ERFL: variants seen among roughly 807,000 people sequenced by gnomAD.
ERFL encodes ETS domain-containing transcription factor ERF-like.
In ERFL, 8 loss-of-function variants were observed where a neutral mutation model predicts 27.9. The observed-to-expected ratio is 0.29, with a 90% CI of 0.17 to 0.52. The LOEUF is 0.52. Ranked by LOEUF, ERFL falls within the 20% of genes least tolerant of loss-of-function variation. The pLI is 0.97. For synonymous variants in ERFL, 174 were observed against 202.8 expected (o/e 0.86, Z 1.21); for missense variants, 294 against 444.4 (o/e 0.66, Z 3.04).
rs999059889 is a variant in ERFL at position 41,908,201 on chromosome 19, C to T, written c.*27G>A. ...CGGGCAGCCACCCTGGTCCCTGCCT[C>T]AGCAGAATCCATTGCCCCCTGCCGG... On this transcript the variant is annotated 3_prime_UTR_variant, in exon 6 of 6. Transcript: ENST00000597630. This position sits in a 1 kb window ranked among gnomAD's most constrained non-coding sequence, Gnocchi z 6.7. The T allele has an allele frequency of 3.0e-5, 37 of 1,231,334 alleles. No homozygotes were observed. The highest frequency in any genetic ancestry group is 3.5e-5 in the Non-Finnish European group (35 of 987,754). The allele number at this position is 1,231,334 out of a possible 1,614,324, so 76.3% of individuals were successfully genotyped here.
intron 2 of ERFL, among the ~76,000 whole-genome samples, chr19:41,911,188 G>A (rs1021041067): frequency 2.6e-5 from 4 of 152,230 alleles, no homozygotes; most frequent in Non-Finnish European, 5.9e-5. Context: ...GCAGAGGGGA[G>A]TACTCCACTG....
At position 41,908,996 on chromosome 19, in the gene ERFL, C is replaced by T; in HGVS notation, c.616+64G>A. ...CTCTTCTCTTGTCTTTTCTCATCCT[C>T]TTCCCTCAAGCCTGCAGCTTCTCCC... On this transcript the variant is annotated intron_variant, in intron 5 of 5. Coordinates refer to ENST00000597630, the MANE Select transcript of ERFL (RefSeq NM_001365103.2). The surrounding 1 kb of genome is among the most constrained non-coding windows in gnomAD (Gnocchi z 6.7). The T allele has an allele frequency of 9.8e-7, 1 of 1,020,686 alleles. No individual in the cohort carries two copies. Among genetic ancestry groups the T allele is most frequent in the Non-Finnish European group, 1.3e-6 (1 of 796,466 alleles). The allele number at this position is 1,020,686 out of a possible 1,614,324, so 63.2% of individuals were successfully genotyped here.
Position 41,909,729 on chromosome 19 carries a change from G to A in ERFL, c.302+134C>T, listed in dbSNP as rs1466513164. ...CGCCTCCCTTCCACTCACAAGTAGC[G>A]ATGGTGGCTACTCACGCACAGCCCT... On this transcript the variant is annotated intron_variant, in intron 3 of 5. Transcript: ENST00000597630. The surrounding 1 kb of genome is among the most constrained non-coding windows in gnomAD (Gnocchi z 5.2). The A allele has an allele frequency of 1.3e-5, 13 of 1,036,596 alleles. No individual in the cohort carries two copies. Among genetic ancestry groups the A allele is most frequent in the Admixed American group, 8.5e-5 (3 of 35,132 alleles). 64.2% of individuals were successfully genotyped at this position (1,036,596 alleles called of 1,614,324 possible).
At chr19:41,914,407 C>T (rs992476608) in intron 1 of ERFL, among the ~76,000 whole-genome samples, 2 of 151,752 alleles carry the variant, frequency 1.3e-5, no homozygotes, top group Non-Finnish European at 1.5e-5. Context: ...CCTCTCGTCT[C>T]CATCTCCTCC....
chr19:41,913,747 C>T (rs1555851496), intron 1 of ERFL, among the ~76,000 whole-genome samples: 2 of 150,436 alleles, frequency 1.3e-5, no homozygotes, highest in Non-Finnish European at 3.0e-5. Context: ...GATACTCCAT[C>T]CCCTCCTCAC....
At chr19:41,922,711 C>T (rs116218208) in intron 1 of ERFL, among the ~76,000 whole-genome samples, 2,064 of 151,850 alleles carry the variant, frequency 0.014, 31 homozygotes, top group African/African-American at 0.043. Context: ...AGGGATCCCA[C>T]AAGGGCCGGG....
Position 41,908,248 on chromosome 19 carries a change from T to G in ERFL, c.1045A>C (p.Lys349Gln). The change falls in exon 6 of 6, where the codon AAA becomes CAA. Residue 349 changes from lysine to glutamine, a missense_variant. Lys to Gln is a moderately conservative substitution (Grantham distance 53). This residue lies in a region of ERFL where 246 missense variants were observed against 371.4 expected (regional missense o/e 0.66). Coordinates refer to ENST00000597630, the MANE Select transcript of ERFL (RefSeq NM_001365103.2). The surrounding 1 kb of genome is among the most constrained non-coding windows in gnomAD (Gnocchi z 6.7). ...CCGGCTCAGCTGCCGGTCCCCCCTT[T>G]GCCCGCCTTTGCCTTGGGGGGTGCC... ...LPAPPKAKAG[K>Q]GGTGS is the part of the protein sequence containing the mutation. The G allele has an allele frequency of 1.6e-6, 2 of 1,231,658 alleles. No individual in the cohort carries two copies. Among genetic ancestry groups the G allele is most frequent in the Non-Finnish European group, 2.0e-6 (2 of 987,962 alleles). The allele number at this position is 1,231,658 out of a possible 1,614,324, so 76.3% of individuals were successfully genotyped here.
chr19:41,908,676 C>G lies in ERFL; in HGVS notation c.617G>C (p.Gly206Ala). 1 of 1,230,996 alleles carries G rather than the reference C, an allele frequency of 8.1e-7. No homozygotes were observed. 76.3% of individuals were successfully genotyped at this position (1,230,996 alleles called of 1,614,324 possible). Reference sequence around the variant, plus strand: ...AGGGGGCTTGGAATAGCTGGTGGCACCTGGGGGGCACAGGGGTAGGTCAGG... The same window carrying G: ...AGGGGGCTTGGAATAGCTGGTGGCAGCTGGGGGGCACAGGGGTAGGTCAGG... ...LDSPFPFLGS[G>A]ATSYSKPPGL... The change falls in exon 6 of 6, where the codon GGT (glycine) becomes GCT (alanine). Residue 206 changes from glycine (G) to alanine (A), a missense_variant and splice_region_variant. Physicochemically the swap from Gly to Ala is moderately conservative, Grantham distance 60. Around this residue, in one of 3 missense-constraint regions of ERFL, gnomAD observed 246 missense variants for 371.4 expected, o/e 0.66. Transcript: ENST00000597630. The surrounding 1 kb of genome is among the most constrained non-coding windows in gnomAD (Gnocchi z 6.7).
At chr19:41,920,996 C>G (rs1296901824) in intron 1 of ERFL, among the ~76,000 whole-genome samples, 1 of 152,224 alleles carries the variant, frequency 6.6e-6, no homozygotes, top group African/African-American at 2.4e-5. Flanking sequence ...TCTCAGTCTC[C>G]GCACGATGTC....
intron 1 of ERFL, among the ~76,000 whole-genome samples, chr19:41,927,506 A>G (rs2074878522): frequency 1.3e-5 from 2 of 151,874 alleles, no homozygotes; most frequent in African/African-American, 4.8e-5. Context: ...CCAGATATCC[A>G]CACCCCCAGT....
rs1438664862 is a variant in ERFL, at chr19:41,909,302, G to T, written c.472C>A (p.Pro158Thr). The T allele has an allele frequency of 8.1e-7, 1 of 1,234,598 alleles. No homozygotes were observed. Among genetic ancestry groups the T allele is most frequent in the Non-Finnish European group, 1.0e-6 (1 of 989,362 alleles). 76.5% of individuals were successfully genotyped at this position (1,234,598 alleles called of 1,614,324 possible). The change falls in exon 4 of 6, where the codon CCA becomes ACA. Residue 158 changes from proline to threonine, a missense_variant. Pro to Thr is a conservative substitution (Grantham distance 38). Transcript: ENST00000597630. The surrounding 1 kb of genome is among the most constrained non-coding windows in gnomAD (Gnocchi z 5.2). Reference sequence around the variant, plus strand: ...TCAGGGGTGAGGGGAGGAGCATCTGGCCCTGGGGCCCCCCCAAAGGGACTG... The same window carrying T: ...TCAGGGGTGAGGGGAGGAGCATCTGTCCCTGGGGCCCCCCCAAAGGGACTG... ...TPSPFGGAPG[P>T]DAPPLTPETL...
In ERFL at chr19:41,908,170, G is replaced by T; in HGVS notation, c.*58C>A. 1 of 1,213,372 alleles carries T rather than the reference G, an allele frequency of 8.2e-7. No individual in the cohort carries two copies. The highest frequency in any genetic ancestry group is 1.0e-6 in the Non-Finnish European group (1 of 971,220). 75.2% of individuals were successfully genotyped at this position (1,213,372 alleles called of 1,614,324 possible). On this transcript the variant is annotated 3_prime_UTR_variant, in exon 6 of 6. Coordinates refer to ENST00000597630, the MANE Select transcript of ERFL (RefSeq NM_001365103.2). The surrounding 1 kb of genome is among the most constrained non-coding windows in gnomAD (Gnocchi z 6.7). ...CCTGGGCCTTGGGCCAGGCATCAAG[G>T]GCAGACGGGCAGCCACCCTGGTCCC...
rs1437089847 is a variant in ERFL, at chr19:41,910,442, AGC to A, written c.68-347_68-346del. On this transcript the variant is annotated intron_variant, in intron 2 of 5. Coordinates refer to ENST00000597630, the MANE Select transcript of ERFL (RefSeq NM_001365103.2). The surrounding 1 kb of genome is among the most constrained non-coding windows in gnomAD (Gnocchi z 4.4). Reference sequence around the variant, plus strand: ...ATGGGGAGGGGCACCCGCCTCCAACAGCGTTAGTCCTCTCACTGCCCCCAGCC... The same window carrying A: ...ATGGGGAGGGGCACCCGCCTCCAACAGTTAGTCCTCTCACTGCCCCCAGCC... 6.6e-6 allele frequency among the ~76,000 whole-genome samples: 1 copy of A among 152,052 alleles called. No homozygotes were observed. Among genetic ancestry groups the A allele is most frequent in the Non-Finnish European group, 1.5e-5 (1 of 67,996 alleles).
chr19:41,924,576 G>GT (rs147933187), intron 1 of ERFL, among the ~76,000 whole-genome samples: 4,026 of 152,218 alleles, frequency 0.026, 178 homozygotes, highest in African/African-American at 0.091. Context: ...TAGGTGTTAT[G>GT]TGGTGGAACA....
Position 41,921,531 on chromosome 19 carries a change from G to A in ERFL, c.-14+6509C>T, listed in dbSNP as rs187724641. Among the ~76,000 whole-genome samples the A allele has an allele frequency of 2.7e-5, 4 of 148,124 alleles. No individual in the cohort carries two copies. The highest frequency in any genetic ancestry group is 1.9e-4 in the East Asian group (1 of 5,182). On this transcript the variant is annotated intron_variant, in intron 1 of 5. Coordinates refer to ENST00000597630, the MANE Select transcript of ERFL (RefSeq NM_001365103.2). This position sits in a 1 kb window ranked among gnomAD's most constrained non-coding sequence, Gnocchi z 4.4. ...CAGAGAGACAGGCAGGGGGAGATCC[G>A]AGGTGGGGAAACACGGCAGAAGGAG...
Position 41,908,633 on chromosome 19 carries a change from AT to A in ERFL, c.659del (p.Tyr220LeufsTer145). The stretch of plus-strand genomic sequence containing the variant: ...AGGGGTACTCAGGGAAGGCGCGGCC[AT>A]AAGGACCCAGCAGGCCAGGGGGCTT... Reference protein sequence around the residue: ...YSKPPGLLGPYGRAFPEYPWN... With the variant: ...YSKPPGLLGPXGRAFPEYPWN... On this transcript the variant is annotated frameshift_variant, in exon 6 of 6. Coordinates refer to ENST00000597630, the MANE Select transcript of ERFL (RefSeq NM_001365103.2). LOFTEE classifies it high-confidence loss of function. This position sits in a 1 kb window ranked among gnomAD's most constrained non-coding sequence, Gnocchi z 6.7. 1 of 1,231,658 alleles carries A rather than the reference AT, an allele frequency of 8.1e-7. No individual in the cohort carries two copies. The highest frequency in any genetic ancestry group is 1.0e-6 in the Non-Finnish European group (1 of 988,026). The allele number at this position is 1,231,658 out of a possible 1,614,324, so 76.3% of individuals were successfully genotyped here.
At position 41,907,960 on chromosome 19, in the gene ERFL, T is replaced by G; in HGVS notation, c.*268A>C. ...GGCGGGCGGGGCAGGCTGGGCGCCATATTGCACTTTGGGAGTGGGGCCAGG... is the reference window on the plus strand; with the variant it reads ...GGCGGGCGGGGCAGGCTGGGCGCCAGATTGCACTTTGGGAGTGGGGCCAGG... On this transcript the variant is annotated 3_prime_UTR_variant, in exon 6 of 6. Transcript: ENST00000597630. 3.0e-5 allele frequency: 11 copies of G among 368,814 alleles called. No individual in the cohort carries two copies. Among genetic ancestry groups the G allele is most frequent in the East Asian group, 1.6e-4 (4 of 25,344 alleles). The allele number at this position is 368,814 out of a possible 1,614,324, so 22.8% of individuals were successfully genotyped here.
intron 1 of ERFL, among the ~76,000 whole-genome samples, chr19:41,923,561 CA>C (rs2074853569): frequency 7.0e-6 from 1 of 142,164 alleles, no homozygotes; most frequent in Non-Finnish European, 1.5e-5. Flanking sequence ...TGGACAGGGA[CA>C]AGGAGACAGG....
In ERFL at chr19:41,921,049, G is replaced by A. The variant is rs868973705; in HGVS notation, c.-14+6991C>T. ...CAGCGCTCCGAATGGTGTCAGTTGA[G>A]GGGTGGCGAGGGAGCGTCCCCGGGG... is the stretch of plus-strand genomic sequence containing the variant. On this transcript the variant is annotated intron_variant, in intron 1 of 5. Coordinates refer to ENST00000597630, the MANE Select transcript of ERFL (RefSeq NM_001365103.2). The surrounding 1 kb of genome is among the most constrained non-coding windows in gnomAD (Gnocchi z 4.4). 7.2e-5 allele frequency among the ~76,000 whole-genome samples: 11 copies of A among 152,246 alleles called. No individual in the cohort carries two copies. The highest frequency in any genetic ancestry group is 2.7e-4 in the African/African-American group (11 of 41,464).
Sources: gnomAD v4.1 joint callset for allele counts (sites outside exome capture counted in the v4.1 genomes callset) on GRCh38, gnomAD v4.1.1 for gene constraint, gnomAD v4.1.1 regional missense constraint, Gnocchi (gnomAD v3.1) non-coding constraint, MANE v1.5 for transcripts, NCBI Gene and HGNC (gene_info 2026-07-23, HGNC 2026-07-21) for gene names.